USP48: variants seen among roughly 807,000 people sequenced by gnomAD.
USP48 encodes ubiquitin specific peptidase 48.
USP48 carries 43 observed loss-of-function variants against 150.7 expected under a neutral mutation model. That is an observed-to-expected ratio of 0.29 (90% CI 0.22 to 0.37). The LOEUF is 0.37. USP48 is among the 10% of genes least tolerant of loss of function. USP48 has a pLI of 1.00. For missense variants in USP48, 813 were observed against 1,249.6 expected (o/e 0.65, Z 5.27); for synonymous variants, 396 against 425.9 (o/e 0.93, Z 0.86).
intron 17 of USP48, 26 bp from the exon 18 acceptor site, chr1:21,706,213 T>C: frequency 6.2e-7 from 1 of 1,609,430 alleles, no homozygotes; most frequent in Non-Finnish European, 8.5e-7. Context: ...CACAAAACAG[T>C]ATCCGTCAAT....
intron 1 of USP48, 83 bp downstream of exon 1, chr1:21,782,741 T>G: frequency 7.0e-7 from 1 of 1,435,970 alleles, no homozygotes; most frequent in Non-Finnish European, 9.1e-7. Context: ...CGCAAAGGGC[T>G]GCCGTCTTCC....
intron 1 of USP48, among the ~76,000 whole-genome samples, chr1:21,780,611 TA>T (rs2097911888): frequency 1.3e-5 from 2 of 152,052 alleles, no homozygotes; most frequent in African/African-American, 4.8e-5. Flanking sequence ...GGATGACCCT[TA>T]AATACATAAG....
At chr1:21,752,492 T>A (rs749423639) in intron 5 of USP48, 35 bp downstream of exon 5, 1 of 1,602,100 alleles carries the variant, frequency 6.2e-7, no homozygotes, top group Non-Finnish European at 8.5e-7. Flanking sequence ...TGTCTTAGAA[T>A]AAAATGTACC....
At chr1:21,705,272 G>A (rs1301211804) in intron 19 of USP48, among the ~76,000 whole-genome samples, 3 of 152,152 alleles carry the variant, frequency 2.0e-5, no homozygotes, top group Non-Finnish European at 4.4e-5. Context: ...GGAAGTACTT[G>A]AAGCATGGAA....
intron 8 of USP48, among the ~76,000 whole-genome samples, chr1:21,738,405 G>C (rs1557536495): frequency 1.4e-5 from 2 of 143,754 alleles, no homozygotes; most frequent in African/African-American, 5.2e-5. Context: ...GCCCAGGCCA[G>C]AGTGCAATGG....
intron 5 of USP48, among the ~76,000 whole-genome samples, chr1:21,752,207 AT>A (rs1385339370): frequency 1.3e-5 from 2 of 151,944 alleles, no homozygotes; most frequent in African/African-American, 2.4e-5. Context: ...ACTCATGCAC[AT>A]TTTTTTAACA....
intron 1 of USP48, among the ~76,000 whole-genome samples, chr1:21,759,185 A>G (rs1199445984): frequency 6.7e-6 from 1 of 148,244 alleles, no homozygotes; most frequent in African/African-American, 2.5e-5. Flanking sequence ...CGGTCTCAAA[A>G]AAAAAAAAAA....
intron 14 of USP48, among the ~76,000 whole-genome samples, chr1:21,720,645 A>G (rs2097717971): frequency 6.6e-6 from 1 of 151,864 alleles, no homozygotes; most frequent in African/African-American, 2.4e-5. Context: ...CTACTGCCTC[A>G]GCCTCCCGAG....
intron 1 of USP48, among the ~76,000 whole-genome samples, chr1:21,779,361 T>A (rs536683054): frequency 1.3e-5 from 2 of 151,964 alleles, no homozygotes; most frequent in Non-Finnish European, 2.9e-5. Flanking sequence ...CCTGGCCAAC[T>A]TGGCGAAACC....
intron 14 of USP48, among the ~76,000 whole-genome samples, chr1:21,719,523 G>A (rs1224911672): frequency 6.6e-6 from 1 of 152,182 alleles, no homozygotes; most frequent in Non-Finnish European, 1.5e-5. Flanking sequence ...GCCAAGGTGG[G>A]AGGATCGCTT....
At chr1:21,727,624 G>A (rs141232109) in intron 11 of USP48, among the ~76,000 whole-genome samples, 156 of 152,248 alleles carry the variant, frequency 1.0e-3, no homozygotes, top group African/African-American at 3.5e-3. Context: ...TGAATCATGG[G>A]TTCATTTCCA....
intron 8 of USP48, among the ~76,000 whole-genome samples, chr1:21,746,445 G>A (rs191977798): frequency 9.3e-5 from 14 of 151,290 alleles, no homozygotes; most frequent in African/African-American, 1.5e-4. Context: ...GCAAGACTCC[G>A]TCTCAAAAAT....
intron 19 of USP48, among the ~76,000 whole-genome samples, chr1:21,705,328 G>A (rs1007995182): frequency 1.3e-5 from 2 of 152,182 alleles, no homozygotes; most frequent in Non-Finnish European, 2.9e-5. Context: ...GACCAGTGCA[G>A]TGGCTTTGCT....
chr1:21,751,180 G>C (rs980418821), intron 6 of USP48, among the ~76,000 whole-genome samples: 4 of 152,168 alleles, frequency 2.6e-5, no homozygotes, highest in African/African-American at 9.7e-5. Context: ...GCACATTCTC[G>C]TTTTCATTAG....
Position 21,782,876 on chromosome 1 carries a change from T to A in USP48, c.82A>T (p.Ile28Phe). ...VRPEEVSQEH[I>F]ETAYRIWLEP... ...AGCCAGATGCGGTAAGCGGTCTCGATGTGCTCCTGCGACACCTCCTCGGGC... is the reference window on the plus strand; with the variant it reads ...AGCCAGATGCGGTAAGCGGTCTCGAAGTGCTCCTGCGACACCTCCTCGGGC... Residue 28 changes from isoleucine to phenylalanine, a missense_variant, in exon 1 of 27, where the codon ATC becomes TTC. Ile to Phe is a conservative substitution (Grantham distance 21). Transcript: ENST00000308271. 6.4e-7 allele frequency: 1 copy of A among 1,560,716 alleles called. No individual in the cohort carries two copies. The highest frequency in any genetic ancestry group is 1.8e-4 in the Middle Eastern group (1 of 5,528).
At chr1:21,729,075 G>A (rs1480945287) in intron 10 of USP48, among the ~76,000 whole-genome samples, 1 of 152,096 alleles carries the variant, frequency 6.6e-6, no homozygotes, top group Non-Finnish European at 1.5e-5. Context: ...GTGAGGTCAA[G>A]AATTCAAGAC....
chr1:21,770,176 A>T (rs1397229636), intron 1 of USP48, among the ~76,000 whole-genome samples: 1 of 151,754 alleles, frequency 6.6e-6, no homozygotes, highest in African/African-American at 2.4e-5. Context: ...AAAAAAAAAA[A>T]TTGTACAGCA....
chr1:21,694,589 A>AC (rs1557428929), intron 23 of USP48, among the ~76,000 whole-genome samples: 2 of 139,750 alleles, frequency 1.4e-5, no homozygotes, highest in African/African-American at 2.7e-5. Context: ...AAAAAAAAAA[A>AC]AAAAAAAAAA....
Position 21,748,229 on chromosome 1 carries a change from A to G in USP48, c.817T>C (p.Cys273Arg). ...CTTGTTGCATTCTGTTTGCTTTGAC[A>G]GTTCTCGCAAAAATAGCGATTGTCT... ...EGDNRYFCEN[C>R]QSKQNATRKI... Residue 273 changes from cysteine (C) to arginine (R), a missense_variant, in exon 7 of 27, where the codon TGT becomes CGT. Coordinates refer to ENST00000308271, the MANE Select transcript of USP48 (RefSeq NM_032236.8). The G allele has an allele frequency of 6.2e-7, 1 of 1,613,852 alleles. No individual in the cohort carries two copies.
Sources: allele counts gnomAD v4.1 joint callset (sites outside exome capture counted in the v4.1 genomes callset), GRCh38; gene constraint gnomAD v4.1.1; transcripts MANE v1.5; gene names NCBI Gene and HGNC (gene_info 2026-07-23, HGNC 2026-07-21).